The following PWWP2B variants were observed in gnomAD, a reference collection of about 807,000 sequenced individuals.
PWWP2B encodes PWWP domain-containing protein 2B.
PWWP2B carries 9 observed loss-of-function variants against 15.5 expected under a neutral mutation model. The observed-to-expected ratio is 0.58, with a 90% CI of 0.35 to 1.02. The LOEUF is 1.02. Among genes scored for constraint, PWWP2B ranks in the 50% least tolerant of loss-of-function variants. The pLI is 0.02. For synonymous variants in PWWP2B, 474 were observed against 403.6 expected (o/e 1.17, Z -2.09); for missense variants, 864 against 865.3 (o/e 1.00, Z 0.02).
chr10:132,400,028 G>C (rs193058343), intron 1 of PWWP2B, among the ~76,000 whole-genome samples: 200 of 152,340 alleles, frequency 1.3e-3, no homozygotes, highest in South Asian at 2.1e-3. Flanking sequence ...CCCACACTGA[G>C]AACCCCAGAC....
At chr10:132,398,564 G>A (rs1726254919) in intron 1 of PWWP2B, among the ~76,000 whole-genome samples, 1 of 152,254 alleles carries the variant, frequency 6.6e-6, no homozygotes, top group Admixed American at 6.5e-5. Context: ...AGGGGCACGA[G>A]CGGCAGTGGG....
rs770475562 is a variant in PWWP2B, at chr10:132,404,896, C to G, written c.396C>G (p.Leu132=). 190 of 1,595,164 alleles carry G rather than the reference C, an allele frequency of 1.2e-4. No individual in the cohort carries two copies. Among genetic ancestry groups the G allele is most frequent in the Non-Finnish European group, 1.5e-4 (182 of 1,178,324 alleles). The change falls in exon 2 of 3, where the codon CTC becomes CTG. Residue 132 remains leucine, a synonymous_variant. Transcript: ENST00000305233. The part of the protein sequence containing the change: ...EGAPFPHPLW[L]RDTYKLWVPQ... ...CCCCCTTCCCTCACCCGCTGTGGCT[C>G]CGGGACACGTACAAGCTGTGGGTGC...
chr10:132,401,674 C>T (rs1193579462), intron 1 of PWWP2B, among the ~76,000 whole-genome samples: 1 of 152,272 alleles, frequency 6.6e-6, no homozygotes, highest in Non-Finnish European at 1.5e-5. Context: ...TGAGGTTCTC[C>T]CTGTGCCAGC....
intron 2 of PWWP2B, among the ~76,000 whole-genome samples, chr10:132,414,658 G>A (rs1406996091): frequency 3.3e-5 from 5 of 152,244 alleles, no homozygotes; most frequent in Admixed American, 2.6e-4. Context: ...AGTTTGCCTT[G>A]TTACAGCTGC....
chr10:132,407,661 C>T (rs747362033), intron 2 of PWWP2B, among the ~76,000 whole-genome samples: 13 of 152,356 alleles, frequency 8.5e-5, no homozygotes, highest in Non-Finnish European at 1.9e-4. Flanking sequence ...CCGGCTGCAT[C>T]TGCCTTGCTC....
chr10:132,406,048 G>A lies in PWWP2B; in HGVS notation c.1548G>A (p.Lys516=), dbSNP rs1294738731. Residue 516 remains lysine, a synonymous_variant, in exon 2 of 3, where the codon AAG becomes AAA. Coordinates refer to ENST00000305233, the MANE Select transcript of PWWP2B (RefSeq NM_138499.4). ...ARVLDISLGQ[K]EDGEPSWREA... is the part of the protein sequence containing the mutation. ...TTCTTGACATCAGTCTCGGCCAGAA[G>A]GAGGACGGAGAGCCGTCTTGGCGAG... 1 of 1,613,736 alleles carries A rather than the reference G, an allele frequency of 6.2e-7. No individual in the cohort carries two copies. Among genetic ancestry groups the A allele is most frequent in the Non-Finnish European group, 8.5e-7 (1 of 1,179,908 alleles).
At chr10:132,407,190 A>G (rs2069712456) in intron 2 of PWWP2B, among the ~76,000 whole-genome samples, 1 of 152,156 alleles carries the variant, frequency 6.6e-6, no homozygotes, top group Non-Finnish European at 1.5e-5. Context: ...TCCCAGCTCC[A>G]GAGGCCTTCT....
intron 2 of PWWP2B, among the ~76,000 whole-genome samples, chr10:132,415,446 CACA>C (rs2069835777): frequency 8.2e-6 from 1 of 121,332 alleles, no homozygotes; most frequent in African/African-American, 3.5e-5. Context: ...CTCTCACACT[CACA>C]TCCACTCACA....
chr10:132,403,236 C>T (rs949263641), intron 1 of PWWP2B, among the ~76,000 whole-genome samples: 15 of 152,168 alleles, frequency 9.9e-5, no homozygotes, highest in African/African-American at 3.6e-4. Flanking sequence ...GAACCCCCCG[C>T]CCCGTGTTCA....
At position 132,417,368 on chromosome 10, in the gene PWWP2B, G is replaced by A. The variant is rs575339207; in HGVS notation, c.*324G>A. ...CGCGCTGGGGTTCCATGGAGGAACT[G>A]GGCCTGCCGCCCCGGCCTCACCTGC... On this transcript the variant is annotated 3_prime_UTR_variant, in exon 3 of 3. Transcript: ENST00000305233. 4.1e-6 allele frequency: 2 copies of A among 486,238 alleles called. No individual in the cohort carries two copies. Among genetic ancestry groups the A allele is most frequent in the South Asian group, 2.6e-5 (1 of 38,988 alleles). The allele number at this position is 486,238 out of a possible 1,614,324, so 30.1% of individuals were successfully genotyped here. A position where few individuals can be genotyped will look rare whatever the true frequency, so the allele number is the denominator to read the frequency against.
chr10:132,402,557 C>T (rs2069627781), intron 1 of PWWP2B, among the ~76,000 whole-genome samples: 1 of 152,282 alleles, frequency 6.6e-6, no homozygotes, highest in Admixed American at 6.5e-5. Flanking sequence ...GGACGTGCTT[C>T]TGTGTGAGCA....
In PWWP2B at chr10:132,405,476, G is replaced by T. The variant is rs911653247; in HGVS notation, c.976G>T (p.Ala326Ser). The change falls in exon 2 of 3, where the codon GCG becomes TCG. Residue 326 changes from alanine (A) to serine (S), a missense_variant. Around this residue, in one of 2 missense-constraint regions of PWWP2B, gnomAD observed 736 missense variants for 687.7 expected, o/e 1.07. Coordinates refer to ENST00000305233, the MANE Select transcript of PWWP2B (RefSeq NM_138499.4). ...LKLTRPVPAG[A>S]DLPPPKIRLK... The stretch of plus-strand genomic sequence containing the variant: ...ACTGACACGGCCTGTGCCGGCCGGC[G>T]CGGACCTGCCGCCCCCTAAGATCCG... The T allele has an allele frequency of 1.2e-6, 2 of 1,605,264 alleles. No homozygotes were observed. Among genetic ancestry groups the T allele is most frequent in the Non-Finnish European group, 1.7e-6 (2 of 1,179,380 alleles).
intron 2 of PWWP2B, among the ~76,000 whole-genome samples, chr10:132,413,249 T>A (rs920108360): frequency 6.6e-6 from 1 of 152,260 alleles, no homozygotes; most frequent in African/African-American, 2.4e-5. Context: ...CAACATGTAA[T>A]ATAGGTGTGT....
intron 2 of PWWP2B, among the ~76,000 whole-genome samples, chr10:132,414,399 A>G (rs1257677946): frequency 1.3e-5 from 2 of 152,122 alleles, no homozygotes; most frequent in African/African-American, 2.4e-5. Context: ...TCGAATCCTA[A>G]AATGCTGCAT....
intron 2 of PWWP2B, among the ~76,000 whole-genome samples, chr10:132,412,318 C>T (rs2069791785): frequency 1.3e-5 from 2 of 152,266 alleles, no homozygotes; most frequent in African/African-American, 4.8e-5. Flanking sequence ...CTCCTACTTG[C>T]TTCCTGGGTC....
intron 1 of PWWP2B, among the ~76,000 whole-genome samples, chr10:132,398,957 GC>G (rs975426438): frequency 2.7e-5 from 3 of 110,086 alleles, no homozygotes; most frequent in African/African-American, 3.6e-5. Flanking sequence ...AAGGACCCCT[GC>G]CCCCTCCCTC....
At chr10:132,414,416 G>A (rs971782005) in intron 2 of PWWP2B, among the ~76,000 whole-genome samples, 1 of 152,198 alleles carries the variant, frequency 6.6e-6, no homozygotes, top group African/African-American at 2.4e-5. Flanking sequence ...GCATTAGAAG[G>A]GATGGACGAA....
rs371965099 is a variant in PWWP2B at position 132,406,237 on chromosome 10, G to A, written c.1737G>A (p.Pro579=). ...CAAATGCCGCAAGACACGTGGCCCC[G>A]GAAATCAGGGAGCTCTTAACCCAGT... ...EAANAARHVA[P]EIRELLTQFE... is the part of the protein sequence containing the mutation. The change falls in exon 2 of 3, where the codon CCG becomes CCA. Residue 579 remains proline (P), a synonymous_variant. Transcript: ENST00000305233. 4.7e-5 allele frequency: 76 copies of A among 1,611,160 alleles called. No homozygotes were observed. The African/African-American group carries it at 5.3e-4, about 11-fold the overall frequency.
chr10:132,405,496 G>C lies in PWWP2B; in HGVS notation c.996G>C (p.Lys332Asn), dbSNP rs2069683072. 6.2e-7 allele frequency: 1 copy of C among 1,604,004 alleles called. No homozygotes were observed. The highest frequency in any genetic ancestry group is 2.2e-5 in the East Asian group (1 of 44,848). Residue 332 changes from lysine (K) to asparagine (N), a missense_variant, in exon 2 of 3, where the codon AAG (lysine) becomes AAC (asparagine). By Grantham distance (94) the Lys-to-Asn change is moderately conservative. Transcript: ENST00000305233. ...VPAGADLPPP[K>N]IRLKPHRLGD... ...CCGGCGCGGACCTGCCGCCCCCTAA[G>C]ATCCGCCTGAAGCCCCACCGTCTGG...
Sources: gnomAD v4.1 joint callset for allele counts (sites outside exome capture counted in the v4.1 genomes callset) on GRCh38, gnomAD v4.1.1 for gene constraint, gnomAD v4.1.1 regional missense constraint, MANE v1.5 for transcripts, NCBI Gene and HGNC (gene_info 2026-07-23, HGNC 2026-07-21) for gene names.